The following HAT1 variants were observed in gnomAD, a reference collection of about 807,000 sequenced individuals.
The protein encoded by HAT1 is histone acetyltransferase 1, also known as histone acetyltransferase type B catalytic subunit.
In HAT1, 20 loss-of-function variants were observed where a neutral mutation model predicts 56.6. The observed-to-expected ratio is 0.35, with a 90% CI of 0.25 to 0.51. HAT1 has a LOEUF of 0.51. Among genes scored for constraint, HAT1 ranks in the 20% least tolerant of loss-of-function variants. The pLI, the probability that HAT1 is intolerant of heterozygous loss-of-function variation, is 0.95. For missense variants in HAT1, 408 were observed against 504.3 expected, an observed-to-expected ratio of 0.81 and a Z score of 1.83; for synonymous variants, 146 against 165.5, an observed-to-expected ratio of 0.88 and a Z score of 0.91.
intron 3 of HAT1, among the ~76,000 whole-genome samples, chr2:171,949,016 T>C (rs1687237591): frequency 6.6e-6 from 1 of 152,182 alleles, no homozygotes; most frequent in Admixed American, 6.5e-5. Context: ...TATCCTGTTT[T>C]CCTCAAGCTT....
chr2:171,981,309 A>G (rs1688128882), intron 10 of HAT1, among the ~76,000 whole-genome samples: 1 of 152,170 alleles, frequency 6.6e-6, no homozygotes, highest in African/African-American at 2.4e-5. Flanking sequence ...TACTATACCT[A>G]TAGGGTTATA....
At chr2:171,970,188 G>A (rs1283941938) in intron 8 of HAT1, among the ~76,000 whole-genome samples, 4 of 151,958 alleles carry the variant, frequency 2.6e-5, no homozygotes, top group African/African-American at 7.3e-5. Context: ...TTGGGAGGTC[G>A]AGGCAGGTGG....
At position 171,922,515 on chromosome 2, in the gene HAT1, A is replaced by C; in HGVS notation, c.7+8A>C. ...GTAGCTCGGAAATGGCGGGTAAGTT[A>C]CCGGGAAAAGTTTACCAAGGGGAGG... is the stretch of plus-strand genomic sequence containing the variant. On this transcript the variant is annotated splice_region_variant and intron_variant, in intron 1 of 10. Coordinates refer to ENST00000264108, the MANE Select transcript of HAT1 (RefSeq NM_003642.4). The C allele has an allele frequency of 7.6e-7, 1 of 1,318,034 alleles. No individual in the cohort carries two copies. Among genetic ancestry groups the C allele is most frequent in the Non-Finnish European group, 9.8e-7 (1 of 1,024,104 alleles). 81.6% of individuals were successfully genotyped at this position (1,318,034 alleles called of 1,614,324 possible).
intron 4 of HAT1, among the ~76,000 whole-genome samples, chr2:171,963,738 G>A (rs543319707): frequency 2.7e-3 from 417 of 152,216 alleles, no homozygotes; most frequent in Non-Finnish European, 4.9e-3. Flanking sequence ...CAGTTTCCTT[G>A]ATAGCTGTTG....
At chr2:171,938,724 G>T (rs979261082) in intron 2 of HAT1, among the ~76,000 whole-genome samples, 6 of 152,150 alleles carry the variant, frequency 3.9e-5, no homozygotes, top group Non-Finnish European at 7.3e-5. Context: ...AACATAAGGA[G>T]ATTTGAAGTT....
chr2:171,922,732 A>C, intron 1 of HAT1: 1 of 400,166 alleles, frequency 2.5e-6, no homozygotes, highest in Non-Finnish European at 4.4e-6. Context: ...TTCTGCCAGC[A>C]ATCCGGCCCC....
chr2:171,946,603 T>C (rs1010772424), intron 2 of HAT1, 105 bp from the exon 3 acceptor site: 12 of 685,724 alleles, frequency 1.7e-5, no homozygotes, highest in Admixed American at 2.9e-5. Context: ...AAGAAAAATG[T>C]TGGCTGTATC....
In HAT1 at chr2:171,922,493, G is replaced by T. The variant is rs755017636; in HGVS notation, c.-8G>T. 2.3e-6 allele frequency: 3 copies of T among 1,319,702 alleles called. No individual in the cohort carries two copies. Among genetic ancestry groups the T allele is most frequent in the Non-Finnish European group, 2.0e-6 (2 of 1,024,716 alleles). The allele number at this position is 1,319,702 out of a possible 1,614,324, so 81.7% of individuals were successfully genotyped here. A position where few individuals can be genotyped will look rare whatever the true frequency, so the allele number is the denominator to read the frequency against. Reference sequence around the variant, plus strand: ...CCTTCCTCAGCCGCGGGTGATCGTAGCTCGGAAATGGCGGGTAAGTTACCG... The same window carrying T: ...CCTTCCTCAGCCGCGGGTGATCGTATCTCGGAAATGGCGGGTAAGTTACCG... On this transcript the variant is annotated 5_prime_UTR_variant, in exon 1 of 11. Transcript: ENST00000264108.
chr2:171,951,405 A>G (rs1687304012), intron 3 of HAT1, among the ~76,000 whole-genome samples: 1 of 151,964 alleles, frequency 6.6e-6, no homozygotes, highest in Non-Finnish European at 1.5e-5. Context: ...GATAAGATCT[A>G]GTTTTACAGA....
rs531818847 is a variant in HAT1 at position 171,967,884 on chromosome 2, C to T, written c.823+935C>T. 1.1e-3 allele frequency among the ~76,000 whole-genome samples: 148 copies of T among 140,630 alleles called. 9 individuals are homozygous for T. In the South Asian group the frequency reaches 0.035, roughly 33 times the overall value. The allele number at this position is 140,630 out of a possible 152,430, so 92.3% of individuals were successfully genotyped here. A position where few individuals can be genotyped will look rare whatever the true frequency, so the allele number is the denominator to read the frequency against. On this transcript the variant is annotated intron_variant, in intron 8 of 10. Transcript: ENST00000264108. ...TGGGAATTTTGTTTAAAGACACCACCTCCCACCCACCCACCCCCACCAAAA... is the reference window on the plus strand; with the variant it reads ...TGGGAATTTTGTTTAAAGACACCACTTCCCACCCACCCACCCCCACCAAAA...
chr2:171,949,947 C>CT (rs1411060632), intron 3 of HAT1, among the ~76,000 whole-genome samples: 1 of 152,152 alleles, frequency 6.6e-6, no homozygotes, highest in African/African-American at 2.4e-5. Flanking sequence ...TTTGGTGATA[C>CT]TTTACTTTCT....
At chr2:171,930,931 TA>T (rs1401840978) in intron 2 of HAT1, among the ~76,000 whole-genome samples, 1 of 152,080 alleles carries the variant, frequency 6.6e-6, no homozygotes, top group Non-Finnish European at 1.5e-5. Flanking sequence ...TTTTTTTTTT[TA>T]GATGTAGATT....
intron 8 of HAT1, among the ~76,000 whole-genome samples, chr2:171,975,732 A>G (rs1050411081): frequency 2.0e-5 from 3 of 151,770 alleles, no homozygotes; most frequent in Middle Eastern, 3.2e-3. Flanking sequence ...ATTTTGGTAA[A>G]TGTTGTTTTC....
chr2:171,933,100 G>A (rs1043993833), intron 2 of HAT1, among the ~76,000 whole-genome samples: 7 of 151,846 alleles, frequency 4.6e-5, no homozygotes, highest in Non-Finnish European at 7.4e-5. Flanking sequence ...CTCTGTTGCC[G>A]AGGCTGGAGT....
At chr2:171,958,446 A>T (rs1417794206) in intron 4 of HAT1, among the ~76,000 whole-genome samples, 1 of 151,528 alleles carries the variant, frequency 6.6e-6, no homozygotes, top group Non-Finnish European at 1.5e-5. Context: ...TAAAAAAAAT[A>T]TTTTTTTAAT....
intron 8 of HAT1, among the ~76,000 whole-genome samples, chr2:171,975,348 G>T (rs941543602): frequency 6.6e-6 from 1 of 151,916 alleles, no homozygotes; most frequent in East Asian, 1.9e-4. Flanking sequence ...CAGGTGATCC[G>T]CCCGCCTCAG....
intron 2 of HAT1, among the ~76,000 whole-genome samples, chr2:171,934,286 A>C (rs1409725590): frequency 1.3e-5 from 2 of 152,226 alleles, no homozygotes; most frequent in African/African-American, 4.8e-5. Context: ...ATACAGGAGT[A>C]TTTCTGGAAG....
At chr2:171,970,577 T>C (rs1687791590) in intron 8 of HAT1, among the ~76,000 whole-genome samples, 1 of 132,360 alleles carries the variant, frequency 7.6e-6, no homozygotes, top group Admixed American at 8.1e-5. Context: ...TGGAGTGCAG[T>C]GGTGCGATCT....
rs539265296 is a variant in HAT1 at position 171,942,953 on chromosome 2, AT to A, written c.113-3754del. ...TTACCCATCACTACCAAAATGTCAT[AT>A]AATATACATATTAGTTTGAAAATTA... On this transcript the variant is annotated intron_variant, in intron 2 of 10. Transcript: ENST00000264108. Among the ~76,000 whole-genome samples, 767 of 152,290 alleles carry A rather than the reference AT, an allele frequency of 5.0e-3. 12 individuals carry two copies. Among genetic ancestry groups the A allele is most frequent in the Middle Eastern group, 6.8e-3 (2 of 294 alleles).
Sources: gnomAD v4.1 joint callset for allele counts (sites outside exome capture counted in the v4.1 genomes callset) on GRCh38, gnomAD v4.1.1 for gene constraint, MANE v1.5 for transcripts, NCBI Gene and HGNC (gene_info 2026-07-23, HGNC 2026-07-21) for gene names.